CSDE1: variants seen among roughly 807,000 people sequenced by gnomAD.
The protein encoded by CSDE1 is cold shock domain containing E1, also known as cold shock domain-containing protein E1.
A neutral mutation model predicts 89.3 loss-of-function variants in CSDE1; 17 were observed. The ratio of observed to expected loss-of-function variants is 0.19; its 90% CI spans 0.13 to 0.29. CSDE1 has a LOEUF of 0.29. Ranked by LOEUF, CSDE1 falls within the 10% of genes least tolerant of loss-of-function variation. CSDE1 has a pLI of 1.00. For synonymous variants in CSDE1, 322 were observed against 332.8 expected (o/e 0.97, Z 0.35); for missense variants, 672 against 984.2 (o/e 0.68, Z 4.24).
chr1:114,734,350 TA>T, intron 7 of CSDE1, 91 bp downstream of exon 7: 2 of 1,244,312 alleles, frequency 1.6e-6, no homozygotes, highest in East Asian at 2.5e-5. Flanking sequence ...AAGGGTAAGA[TA>T]AAAAAGAAAA....
At chr1:114,730,179 T>A in intron 12 of CSDE1, 79 bp downstream of exon 12, 1 of 1,453,086 alleles carries the variant, frequency 6.9e-7, no homozygotes, top group Non-Finnish European at 9.4e-7. Context: ...GCTGATTATA[T>A]GTACTCTATT....
At chr1:114,751,168 G>C (rs1401001375) in intron 1 of CSDE1, among the ~76,000 whole-genome samples, 3 of 152,178 alleles carry the variant, frequency 2.0e-5, no homozygotes, top group Non-Finnish European at 4.4e-5. Context: ...AATCTCATTT[G>C]CACTGCTGCA....
intron 1 of CSDE1, among the ~76,000 whole-genome samples, chr1:114,753,547 C>G (rs776554494): frequency 1.3e-5 from 2 of 152,170 alleles, no homozygotes; most frequent in Non-Finnish European, 2.9e-5. Context: ...TACTAACCAC[C>G]TCTTTTGCCT....
intron 14 of CSDE1, among the ~76,000 whole-genome samples, chr1:114,725,645 T>A (rs2101021671): frequency 6.6e-6 from 1 of 151,500 alleles, no homozygotes; most frequent in East Asian, 1.9e-4. Context: ...ACTTTCTATT[T>A]TTTTTTTTGA....
chr1:114,751,138 T>C lies in CSDE1; in HGVS notation c.-387-931A>G, dbSNP rs147548239. On this transcript the variant is annotated intron_variant, in intron 1 of 19. Coordinates refer to ENST00000358528, the MANE Select transcript of CSDE1 (RefSeq NM_001007553.3). ...TTAAGTCTTGAAATCCTAAAGGAGATGACTTAGTAAGCAAACAGAAATCTC... is the reference window on the plus strand; with the variant it reads ...TTAAGTCTTGAAATCCTAAAGGAGACGACTTAGTAAGCAAACAGAAATCTC... Among the ~76,000 whole-genome samples, 501 of 152,352 alleles carry C rather than the reference T, an allele frequency of 3.3e-3. 1 individual carries two copies. Among genetic ancestry groups the C allele is most frequent in the Admixed American group, 6.3e-3 (96 of 15,308 alleles).
chr1:114,735,188 G>C lies in CSDE1; in HGVS notation c.501-665C>G, dbSNP rs191291066. On this transcript the variant is annotated intron_variant, in intron 6 of 19. Coordinates refer to ENST00000358528, the MANE Select transcript of CSDE1 (RefSeq NM_001007553.3). ...TTTATGCCTTCATATTTGTGTAGCA[G>C]CGATGTAAATTCAATTTTGTTTTTA... Among the ~76,000 whole-genome samples the C allele has an allele frequency of 6.6e-5, 10 of 152,298 alleles. No homozygotes were observed. In the East Asian group the frequency reaches 1.5e-3, roughly 23 times the overall value.
intron 18 of CSDE1, among the ~76,000 whole-genome samples, chr1:114,719,282 C>CA (rs1160454384): frequency 1.3e-5 from 2 of 152,126 alleles, no homozygotes; most frequent in African/African-American, 2.4e-5. Context: ...GTAACCGAAT[C>CA]AGACTGTGAG....
intron 1 of CSDE1, among the ~76,000 whole-genome samples, chr1:114,752,268 A>G (rs1661347065): frequency 6.6e-6 from 1 of 152,066 alleles, no homozygotes; most frequent in East Asian, 1.9e-4. Context: ...AAACTCTCCA[A>G]TTTCATTTCT....
chr1:114,744,795 G>GTACAATTTAATTGTACA (rs1660928585), intron 2 of CSDE1, among the ~76,000 whole-genome samples: 1 of 152,070 alleles, frequency 6.6e-6, no homozygotes, highest in Non-Finnish European at 1.5e-5. Flanking sequence ...AGAGTAGATA[G>GTACAATTTAATTGTACA]GGCAAATCAG....
At chr1:114,747,674 AC>A (rs772112405) in intron 2 of CSDE1, among the ~76,000 whole-genome samples, 193 of 152,266 alleles carry the variant, frequency 1.3e-3, no homozygotes, top group Non-Finnish European at 2.0e-3. Context: ...ACTGGCCAAC[AC>A]GGTGAAACCC....
intron 16 of CSDE1, among the ~76,000 whole-genome samples, chr1:114,723,681 G>C (rs1027701496): frequency 1.3e-5 from 2 of 152,138 alleles, no homozygotes; most frequent in Admixed American, 1.3e-4. Context: ...TCACAAAGCA[G>C]TCACGTTTTC....
intron 1 of CSDE1, among the ~76,000 whole-genome samples, chr1:114,750,569 G>T (rs1661247282): frequency 6.6e-6 from 1 of 151,826 alleles, no homozygotes; most frequent in Non-Finnish European, 1.5e-5. Context: ...CAATCTTGCT[G>T]AAAAGACAAG....
intron 17 of CSDE1, 132 bp downstream of exon 17, chr1:114,720,407 C>G (rs996085189): frequency 2.4e-6 from 2 of 848,116 alleles, no homozygotes; most frequent in Non-Finnish European, 3.5e-6. Flanking sequence ...CCTCAAATGA[C>G]TGAAAAAAGG....
At chr1:114,757,364 T>A (rs1661661029) in intron 1 of CSDE1, among the ~76,000 whole-genome samples, 1 of 152,124 alleles carries the variant, frequency 6.6e-6, no homozygotes, top group South Asian at 2.1e-4. Context: ...ACTGCCGCAC[T>A]GCGCTCTGGT....
At chr1:114,733,512 G>T (rs1186628531) in intron 9 of CSDE1, among the ~76,000 whole-genome samples, 3 of 142,434 alleles carry the variant, frequency 2.1e-5, no homozygotes, top group African/African-American at 7.9e-5. Flanking sequence ...GCGACAGAGC[G>T]AGACTCTGTC....
At chr1:114,720,451 TG>T (rs1659453563) in intron 17 of CSDE1, 87 bp downstream of exon 17, 2 of 1,245,374 alleles carry the variant, frequency 1.6e-6, no homozygotes, top group Non-Finnish European at 2.2e-6. Flanking sequence ...TGAATGTTGA[TG>T]ATTTCCCCTT....
chr1:114,753,887 G>A, intron 1 of CSDE1, among the ~76,000 whole-genome samples: 1 of 152,094 alleles, frequency 6.6e-6, no homozygotes, highest in East Asian at 1.9e-4. Flanking sequence ...CTGCACTCTT[G>A]CCTGGGCGAC....
intron 2 of CSDE1, among the ~76,000 whole-genome samples, chr1:114,749,547 C>T (rs753928451): frequency 1.3e-5 from 2 of 152,300 alleles, no homozygotes; most frequent in East Asian, 1.9e-4. Flanking sequence ...TATTTGAAAT[C>T]CTAACTTCTA....
intron 1 of CSDE1, among the ~76,000 whole-genome samples, chr1:114,753,800 C>G (rs1661438074): frequency 6.6e-6 from 1 of 152,052 alleles, no homozygotes; most frequent in African/African-American, 2.4e-5. Context: ...CCTGTAGTCC[C>G]AGCTACTCGG....
Sources: allele counts gnomAD v4.1 joint callset (sites outside exome capture counted in the v4.1 genomes callset), GRCh38; gene constraint gnomAD v4.1.1; transcripts MANE v1.5; gene names NCBI Gene and HGNC (gene_info 2026-07-23, HGNC 2026-07-21).